DSCAM: variants seen among roughly 807,000 people sequenced by gnomAD.
The protein encoded by DSCAM is DS cell adhesion molecule.
Under a neutral mutation model 217.7 loss-of-function variants are expected in DSCAM, and 47 were observed. The ratio of observed to expected loss-of-function variants is 0.22; its 90% confidence interval spans 0.17 to 0.28. The LOEUF (loss-of-function observed/expected upper bound fraction) is 0.28. Ranked by LOEUF, DSCAM falls within the 10% of genes least tolerant of loss-of-function variation. The pLI is 1.00. For synonymous variants in DSCAM, 1,056 were observed against 1,015.3 expected, an observed-to-expected ratio of 1.04 and a Z score of -0.76; for missense variants, 2,080 against 2,618.3, an observed-to-expected ratio of 0.79 and a Z score of 4.49.
intron 1 of DSCAM, among the ~76,000 whole-genome samples, chr21:40,773,450 A>G (rs182553357): frequency 1.1e-4 from 17 of 152,212 alleles, no homozygotes; most frequent in Admixed American, 9.8e-4. Flanking sequence ...CCTCTCTCTT[A>G]GAAGGACACC....
intron 3 of DSCAM, 129 bp downstream of exon 3, chr21:40,692,681 T>C (rs2090550257): frequency 3.5e-6 from 4 of 1,149,170 alleles, no homozygotes; most frequent in East Asian, 2.4e-5. Context: ...ACTTACAAAA[T>C]AGCATCAGCC....
chr21:40,435,879 G>A (rs190267180), intron 3 of DSCAM, among the ~76,000 whole-genome samples: 2 of 152,256 alleles, frequency 1.3e-5, no homozygotes, highest in East Asian at 1.9e-4. Context: ...CCAGGCTAGC[G>A]ATATGTGATA....
rs528757362 is a variant in DSCAM, at chr21:40,779,712, G to A, written c.43+66907C>T. ...ATACATAGTAAGTGAAGGACCCTTAGCCAGGACTTGAGTGACCTGGAGGGA... is the reference window on the plus strand; with the variant it reads ...ATACATAGTAAGTGAAGGACCCTTAACCAGGACTTGAGTGACCTGGAGGGA... On this transcript the variant is annotated intron_variant, in intron 1 of 32. Transcript: ENST00000400454. Among the ~76,000 whole-genome samples, 17 of 151,796 alleles carry A rather than the reference G, an allele frequency of 1.1e-4. No individual in the cohort carries two copies. In the South Asian group the frequency reaches 3.6e-3, roughly 32 times the overall value.
At chr21:40,437,280 G>A (rs1328753120) in intron 3 of DSCAM, among the ~76,000 whole-genome samples, 1 of 152,112 alleles carries the variant, frequency 6.6e-6, no homozygotes, top group Non-Finnish European at 1.5e-5. Context: ...TGTGGGAATT[G>A]CCACTCTAAG....
At chr21:40,404,471 A>G (rs897033074) in intron 3 of DSCAM, among the ~76,000 whole-genome samples, 12 of 152,198 alleles carry the variant, frequency 7.9e-5, no homozygotes, top group African/African-American at 2.9e-4. Context: ...ATTAAGCACA[A>G]GGCTAAAAGG....
chr21:40,384,227 A>C (rs932239553), intron 3 of DSCAM: 1 of 152,546 alleles, frequency 6.6e-6, no homozygotes, highest in Non-Finnish European at 1.5e-5. Flanking sequence ...AAAGGTAGAC[A>C]TAAGGGAGGC....
intron 20 of DSCAM, among the ~76,000 whole-genome samples, chr21:40,114,894 C>A (rs1207055326): frequency 6.6e-6 from 1 of 152,068 alleles, no homozygotes; most frequent in African/African-American, 2.4e-5. Context: ...GAATGGCTAT[C>A]ATTAAAAAGT....
At chr21:40,080,780 T>G (rs1277048248) in intron 24 of DSCAM, among the ~76,000 whole-genome samples, 1 of 152,174 alleles carries the variant, frequency 6.6e-6, no homozygotes, top group African/African-American at 2.4e-5. Context: ...ACTGCCTCAC[T>G]CCTCATGTAC....
intron 3 of DSCAM, among the ~76,000 whole-genome samples, chr21:40,460,153 G>C (rs2075794983): frequency 6.6e-6 from 1 of 152,150 alleles, no homozygotes; most frequent in South Asian, 2.1e-4. Flanking sequence ...GAGAGCATCA[G>C]GATAAATAGC....
In DSCAM at chr21:40,636,372, G is replaced by A. The variant is rs560839027; in HGVS notation, c.508+56438C>T. Among the ~76,000 whole-genome samples the A allele has an allele frequency of 5.3e-5, 8 of 152,214 alleles. No homozygotes were observed. In the South Asian group the frequency reaches 1.7e-3, roughly 32 times the overall value. ...CAACCAAGAGGTTAAATATTAGAGA[G>A]AGAGGGAGAGAGAGAGAAAGAAAGA... On this transcript the variant is annotated intron_variant, in intron 3 of 32. Transcript: ENST00000400454.
chr21:40,080,046 G>C (rs1472819263), intron 25 of DSCAM, 106 bp downstream of exon 25: 2 of 1,107,412 alleles, frequency 1.8e-6, no homozygotes, highest in Middle Eastern at 3.0e-4. Flanking sequence ...GAATGACAAA[G>C]TTCAAACACA....
intron 1 of DSCAM, among the ~76,000 whole-genome samples, chr21:40,829,080 T>C (rs2091992633): frequency 6.6e-6 from 1 of 152,226 alleles, no homozygotes; most frequent in Admixed American, 6.5e-5. Flanking sequence ...CAATTTTATC[T>C]GCCCAGGGTC....
chr21:40,518,499 TTATA>T (rs1358729067), intron 3 of DSCAM, among the ~76,000 whole-genome samples: 1 of 15,462 alleles, frequency 6.5e-5, no homozygotes, highest in African/African-American at 5.3e-4. Context: ...ATATTATATA[TTATA>T]TATATAATAT....
At position 40,560,102 on chromosome 21, in the gene DSCAM, T is replaced by C. The variant is rs138847080; in HGVS notation, c.508+132708A>G. Reference sequence around the variant, plus strand: ...GCCACCATGCGTGGCCAATTTTCTGTCTTTTGAACTAAACACTTGTGCTTA... The same window carrying C: ...GCCACCATGCGTGGCCAATTTTCTGCCTTTTGAACTAAACACTTGTGCTTA... On this transcript the variant is annotated intron_variant, in intron 3 of 32. Coordinates refer to ENST00000400454, the MANE Select transcript of DSCAM (RefSeq NM_001389.5). Among the ~76,000 whole-genome samples, 1,149 of 152,298 alleles carry C rather than the reference T, an allele frequency of 7.5e-3. 21 individuals carry two copies. The highest frequency in any genetic ancestry group is 0.026 in the African/African-American group (1,094 of 41,570).
chr21:40,064,096 A>G (rs2089169007), intron 27 of DSCAM, among the ~76,000 whole-genome samples: 2 of 150,502 alleles, frequency 1.3e-5, no homozygotes, highest in Non-Finnish European at 2.9e-5. Flanking sequence ...TCTTTCCCTG[A>G]ATGATTTAAC....
chr21:40,138,893 GTAA>G (rs2090251279), intron 18 of DSCAM, among the ~76,000 whole-genome samples: 2 of 146,738 alleles, frequency 1.4e-5, no homozygotes, highest in East Asian at 2.1e-4. Flanking sequence ...TGTGTGGTGT[GTAA>G]GTGTGGTGTG....
At chr21:40,840,550 A>G (rs1283366324) in intron 1 of DSCAM, among the ~76,000 whole-genome samples, 3 of 152,296 alleles carry the variant, frequency 2.0e-5, no homozygotes, top group South Asian at 4.1e-4. Context: ...CACTTGACCC[A>G]CTGCACGGCA....
intron 3 of DSCAM, among the ~76,000 whole-genome samples, chr21:40,502,234 A>G (rs1476966995): frequency 6.6e-6 from 1 of 152,214 alleles, no homozygotes; most frequent in African/African-American, 2.4e-5. Flanking sequence ...ATAGCTCTCT[A>G]TACATTTTTA....
chr21:40,497,599 G>C (rs2076129388), intron 3 of DSCAM, among the ~76,000 whole-genome samples: 1 of 152,136 alleles, frequency 6.6e-6, no homozygotes, highest in Non-Finnish European at 1.5e-5. Flanking sequence ...TTCCTGAAAA[G>C]CCCTTAGAGT....
Sources: allele counts gnomAD v4.1 joint callset (sites outside exome capture counted in the v4.1 genomes callset), GRCh38; gene constraint gnomAD v4.1.1; transcripts MANE v1.5; gene names NCBI Gene and HGNC (gene_info 2026-07-23, HGNC 2026-07-21).